Variants in AIG1 observed in about 807,000 individuals in gnomAD.
The protein encoded by AIG1 is androgen induced 1, also known as androgen-induced gene 1 protein.
A neutral mutation model predicts 31.4 loss-of-function variants in AIG1; 23 were observed. That is an observed-to-expected ratio of 0.73 (90% CI 0.53 to 1.04). The LOEUF (loss-of-function observed/expected upper bound fraction) is 1.04. Ranked by LOEUF, AIG1 falls within the 50% of genes least tolerant of loss-of-function variation. The probability of loss-of-function intolerance (pLI) is 0.00; values close to 1 mark genes in which losing one functional copy is unlikely to be tolerated. For missense variants in AIG1, 274 were observed against 295.0 expected, an observed-to-expected ratio of 0.93 and a Z score of 0.52; for synonymous variants, 100 against 110.5, an observed-to-expected ratio of 0.90 and a Z score of 0.60.
chr6:143,209,427 G>T (rs1235322949), intron 3 of AIG1, among the ~76,000 whole-genome samples: 1 of 152,188 alleles, frequency 6.6e-6, no homozygotes, highest in East Asian at 1.9e-4. Flanking sequence ...GATTATCCTG[G>T]ATTATCTCAG....
At chr6:143,188,012 A>G (rs911748210) in intron 3 of AIG1, 10 of 1,120,184 alleles carry the variant, frequency 8.9e-6, no homozygotes, top group Middle Eastern at 4.0e-4. Context: ...ACTTTGGCAT[A>G]CCACTTTTGT....
chr6:143,173,337 A>G (rs892047001), intron 3 of AIG1, among the ~76,000 whole-genome samples: 1 of 152,338 alleles, frequency 6.6e-6, no homozygotes, highest in East Asian at 1.9e-4. Context: ...TGCTGGGATT[A>G]AAGACGTGAG....
chr6:143,168,818 T>A (rs1039353098), intron 3 of AIG1, among the ~76,000 whole-genome samples: 1 of 151,904 alleles, frequency 6.6e-6, no homozygotes, highest in Non-Finnish European at 1.5e-5. Context: ...ACAAAAAAAT[T>A]CTCACATGTA....
intron 3 of AIG1, among the ~76,000 whole-genome samples, chr6:143,215,415 C>G (rs1478762124): frequency 6.6e-6 from 1 of 152,024 alleles, no homozygotes; most frequent in Non-Finnish European, 1.5e-5. Context: ...ATGTGGCCAC[C>G]AACAATAAAA....
intron 4 of AIG1, among the ~76,000 whole-genome samples, chr6:143,290,504 T>G (rs1287312238): frequency 1.3e-5 from 2 of 152,172 alleles, no homozygotes; most frequent in African/African-American, 4.8e-5. Context: ...CCTTACCAGT[T>G]GAATGCTCCT....
chr6:143,339,579 A>G lies in AIG1; in HGVS notation c.680-60A>G, dbSNP rs983580225. The G allele has an allele frequency of 5.1e-6, 8 of 1,575,874 alleles. No homozygotes were observed. In the African/African-American group the frequency reaches 1.1e-4, roughly 21 times the overall value. On this transcript the variant is annotated intron_variant, in intron 5 of 5. Transcript: ENST00000357847. ...GTGAGTAGTGTTAGCAAGCCAGATTAAACAAACTGCTTGTGGTTTAATCTG... is the reference window on the plus strand; with the variant it reads ...GTGAGTAGTGTTAGCAAGCCAGATTGAACAAACTGCTTGTGGTTTAATCTG...
intron 3 of AIG1, among the ~76,000 whole-genome samples, chr6:143,193,294 C>T (rs1789951432): frequency 2.6e-5 from 4 of 152,262 alleles, no homozygotes; most frequent in Non-Finnish European, 2.9e-5. Context: ...GCCTTTAAGC[C>T]GTAGCCAGCC....
intron 3 of AIG1, among the ~76,000 whole-genome samples, chr6:143,261,894 A>G (rs1795803963): frequency 6.6e-6 from 1 of 152,262 alleles, no homozygotes. Flanking sequence ...ATTAAATTTA[A>G]GTTGGCTGAT....
chr6:143,260,574 C>A (rs1795703934), intron 3 of AIG1, among the ~76,000 whole-genome samples: 1 of 152,202 alleles, frequency 6.6e-6, no homozygotes, highest in African/African-American at 2.4e-5. Context: ...CAGGAAAAGA[C>A]CATAGCTCAA....
chr6:143,198,970 C>G (rs578177329), intron 3 of AIG1, among the ~76,000 whole-genome samples: 1 of 152,150 alleles, frequency 6.6e-6, no homozygotes, highest in African/African-American at 2.4e-5. Context: ...GATAAACCTA[C>G]AAATAAGAAA....
intron 3 of AIG1, among the ~76,000 whole-genome samples, chr6:143,177,778 G>T (rs1788310616): frequency 6.6e-6 from 1 of 152,168 alleles, no homozygotes; most frequent in Non-Finnish European, 1.5e-5. Flanking sequence ...GAGGGGTCAG[G>T]GTCACTGGTG....
chr6:143,194,327 A>G (rs74611621), intron 3 of AIG1, among the ~76,000 whole-genome samples: 1 of 152,160 alleles, frequency 6.6e-6, no homozygotes, highest in African/African-American at 2.4e-5. Context: ...CTCACTCACT[A>G]TCACGAGAAT....
rs749881646 is a variant in AIG1, at chr6:143,339,637, A to G, written c.680-2A>G. ...AATAAAACACTTTGCCTGTATTTCT[A>G]GGTATGGAAGAAGAGAAAGAAAAGC... On this transcript the variant is annotated splice_acceptor_variant, in intron 5 of 5. Transcript: ENST00000357847. LOFTEE classifies it high-confidence loss of function. The G allele has an allele frequency of 6.2e-7, 1 of 1,613,044 alleles. No individual in the cohort carries two copies. The highest frequency in any genetic ancestry group is 1.1e-5 in the South Asian group (1 of 90,942).
intron 3 of AIG1, among the ~76,000 whole-genome samples, chr6:143,179,393 C>T (rs1320831734): frequency 1.3e-5 from 2 of 152,174 alleles, no homozygotes; most frequent in Admixed American, 1.3e-4. Flanking sequence ...TACATAGTTT[C>T]TAGGAATCTA....
chr6:143,305,479 T>C (rs1001793183), intron 4 of AIG1, among the ~76,000 whole-genome samples: 3 of 152,240 alleles, frequency 2.0e-5, no homozygotes, highest in Non-Finnish European at 2.9e-5. Context: ...CATTTTGTTA[T>C]GTACCCAGTA....
intron 1 of AIG1, among the ~76,000 whole-genome samples, chr6:143,113,327 G>A (rs1362786467): frequency 2.0e-5 from 3 of 152,080 alleles, no homozygotes; most frequent in African/African-American, 7.2e-5. Context: ...ATTTCTGGCG[G>A]GGCGTGGGGG....
At chr6:143,235,007 T>C (rs761449853) in intron 3 of AIG1, among the ~76,000 whole-genome samples, 2 of 152,216 alleles carry the variant, frequency 1.3e-5, no homozygotes, top group Non-Finnish European at 2.9e-5. Context: ...GCCTAATCAT[T>C]ACTACATAGC....
rs751464049 is a variant in AIG1, at chr6:143,229,784, C to CAAAAAAAAAAA, written c.400-54316_400-54306dup. Among the ~76,000 whole-genome samples the CAAAAAAAAAAA allele has an allele frequency of 2.5e-5, 2 of 80,712 alleles. 1 individual carries two copies. Among genetic ancestry groups the CAAAAAAAAAAA allele is most frequent in the Non-Finnish European group, 5.7e-5 (2 of 34,946 alleles). The allele number at this position is 80,712 out of a possible 152,430, so 53.0% of individuals were successfully genotyped here. A position where few individuals can be genotyped will look rare whatever the true frequency, so the allele number is the denominator to read the frequency against. On this transcript the variant is annotated intron_variant, in intron 3 of 5. Transcript: ENST00000357847. The stretch of plus-strand genomic sequence containing the variant: ...GCCTCTCGTTTCTGGACTCTCAGAA[C>CAAAAAAAAAAA]AAAAAAAAAAAAAAAAAAAAGGATC...
chr6:143,221,888 G>A (rs1792545508), intron 3 of AIG1, among the ~76,000 whole-genome samples: 1 of 152,116 alleles, frequency 6.6e-6, no homozygotes, highest in African/African-American at 2.4e-5. Flanking sequence ...ATTCACAGTG[G>A]AGCATGCAGT....
Sources: allele counts gnomAD v4.1 joint callset (sites outside exome capture counted in the v4.1 genomes callset), GRCh38; gene constraint gnomAD v4.1.1; transcripts MANE v1.5; gene names NCBI Gene and HGNC (gene_info 2026-07-23, HGNC 2026-07-21).